The following CCER1 variants were observed in gnomAD, a reference collection of about 807,000 sequenced individuals.
CCER1 encodes coiled-coil glutamate rich protein 1.
For missense variants in CCER1, 573 were observed against 524.5 expected (o/e 1.09, Z -0.90); for synonymous variants, 246 against 213.8 (o/e 1.15, Z -1.31).
chr12:90,954,203 C>G lies in CCER1; in HGVS notation c.540G>C (p.Glu180Asp). The G allele has an allele frequency of 6.2e-7, 1 of 1,608,938 alleles. No individual in the cohort carries two copies. Among genetic ancestry groups the G allele is most frequent in the South Asian group, 1.1e-5 (1 of 91,092 alleles). ...TGTTGGGCGGCGCTCGCATGCCAGG[C>G]TCTCTCCACTCATACAGCTTGACCG... ...PRPVKLYEWR[E>D]PGMRAPPNTT... The change falls in exon 1 of 1, where the codon GAG becomes GAC. Residue 180 changes from glutamate (E) to aspartate (D), a missense_variant. Coordinates refer to ENST00000358859, the MANE Select transcript of CCER1 (RefSeq NM_152638.4).
rs1369508516 is a variant in CCER1, at chr12:90,954,596, A to G, written c.147T>C (p.Asn49=). ...TCTTGGGGCTATATCGGTGCGGTCTATTGTACGCTGGAGCACCCGGGCGCC... is the reference window on the plus strand; with the variant it reads ...TCTTGGGGCTATATCGGTGCGGTCTGTTGTACGCTGGAGCACCCGGGCGCC... The part of the protein sequence containing the change: ...HRRRPGAPAY[N]RPHRYSPKTE... The change falls in exon 1 of 1, where the codon AAT becomes AAC. Residue 49 remains asparagine, a synonymous_variant. Transcript: ENST00000358859. 3 of 1,613,686 alleles carry G rather than the reference A, an allele frequency of 1.9e-6. No homozygotes were observed. Among genetic ancestry groups the G allele is most frequent in the East Asian group, 2.2e-5 (1 of 44,844 alleles).
rs1876614384 is a variant in CCER1, at chr12:90,955,000, G to A, written c.-258C>T. On this transcript the variant is annotated 5_prime_UTR_variant, in exon 1 of 1. Coordinates refer to ENST00000358859, the MANE Select transcript of CCER1 (RefSeq NM_152638.4). ...GCTGGGTGGGACTGGGGCTGGGTAAGGATGGTGGGGGAGGAAGGTGTTGGC... is the reference window on the plus strand; with the variant it reads ...GCTGGGTGGGACTGGGGCTGGGTAAAGATGGTGGGGGAGGAAGGTGTTGGC... 1 of 620,748 alleles carries A rather than the reference G, an allele frequency of 1.6e-6. No individual in the cohort carries two copies. The allele number at this position is 620,748 out of a possible 1,614,324, so 38.5% of individuals were successfully genotyped here.
In CCER1 at chr12:90,954,040, C is replaced by T. The variant is rs371609462; in HGVS notation, c.703G>A (p.Ala235Thr). ...GTTTCCTTGCTGCCGCCAGGGGGCG[C>T]GTCGTTTCCGGAGGATCTGGCTGGG... ...ASPARSSGND[A>T]PPGGSKETWG... The change falls in exon 1 of 1, where the codon GCG becomes ACG. Residue 235 changes from alanine (A) to threonine (T), a missense_variant. Physicochemically the swap from Ala to Thr is moderately conservative, Grantham distance 58. Transcript: ENST00000358859. 2.5e-6 allele frequency: 4 copies of T among 1,614,036 alleles called. No homozygotes were observed. Among genetic ancestry groups the T allele is most frequent in the Non-Finnish European group, 3.4e-6 (4 of 1,180,044 alleles).
Position 90,953,496 on chromosome 12 carries a change from C to A in CCER1, c.*26G>T. Reference sequence around the variant, plus strand: ...AGTTTAGCCTCAAATCAGTTCCATCCCTTTTCTCAATCCCTTTTCTGATGT... The same window carrying A: ...AGTTTAGCCTCAAATCAGTTCCATCACTTTTCTCAATCCCTTTTCTGATGT... On this transcript the variant is annotated 3_prime_UTR_variant, in exon 1 of 1. Coordinates refer to ENST00000358859, the MANE Select transcript of CCER1 (RefSeq NM_152638.4). 6.3e-7 allele frequency: 1 copy of A among 1,580,168 alleles called. No individual in the cohort carries two copies. Among genetic ancestry groups the A allele is most frequent in the Non-Finnish European group, 8.6e-7 (1 of 1,166,112 alleles).
Position 90,954,252 on chromosome 12 carries a change from G to A in CCER1, c.491C>T (p.Ala164Val), listed in dbSNP as rs377744456. 47 of 1,604,462 alleles carry A rather than the reference G, an allele frequency of 2.9e-5. 1 individual carries two copies. The highest frequency in any genetic ancestry group is 3.6e-5 in the Non-Finnish European group (43 of 1,179,232). ...CGGCCGCGGCAGCGTGCTCACATCC[G>A]CTGGCGGGCTCCGCGGGTAGGAGTG... is the stretch of plus-strand genomic sequence containing the variant. Reference protein sequence around the residue: ...PRHSYPRSPPADVSTLPRPVK... With the variant: ...PRHSYPRSPPVDVSTLPRPVK... The change falls in exon 1 of 1, where the codon GCG becomes GTG. Residue 164 changes from alanine (A) to valine (V), a missense_variant. By Grantham distance (64) the Ala-to-Val change is moderately conservative (BLOSUM62 0). Transcript: ENST00000358859.
At position 90,953,642 on chromosome 12, in the gene CCER1, G is replaced by C; in HGVS notation, c.1101C>G (p.Ile367Met). 6.2e-7 allele frequency: 1 copy of C among 1,614,126 alleles called. No individual in the cohort carries two copies. The highest frequency in any genetic ancestry group is 8.5e-7 in the Non-Finnish European group (1 of 1,180,026). The stretch of plus-strand genomic sequence containing the variant: ...CTCTCTTTTCTTCAGCCTCTACGAA[G>C]ATTGATAAAGGCATTTCCAGAGGCA... Reference protein sequence around the residue: ...FHLPLEMPLSIFVEAEEKREN... With the variant: ...FHLPLEMPLSMFVEAEEKREN... The change falls in exon 1 of 1, where the codon ATC (isoleucine) becomes ATG (methionine). Residue 367 changes from isoleucine (I) to methionine (M), a missense_variant. Ile to Met is a conservative substitution (Grantham distance 10, BLOSUM62 1). Coordinates refer to ENST00000358859, the MANE Select transcript of CCER1 (RefSeq NM_152638.4).
Position 90,954,433 on chromosome 12 carries a change from A to T in CCER1, c.310T>A (p.Cys104Ser). 2 of 1,611,520 alleles carry T rather than the reference A, an allele frequency of 1.2e-6. No homozygotes were observed. The highest frequency in any genetic ancestry group is 8.5e-7 in the Non-Finnish European group (1 of 1,178,786). Residue 104 changes from cysteine to serine, a missense_variant, in exon 1 of 1, where the codon TGC (cysteine) becomes AGC (serine). Transcript: ENST00000358859. ...TACACCCGAAACACTTGCACCGGGC[A>T]GGGGAATTTCCAGAATCCTGGAGGG... ...PPPPGFWKFP[C>S]PVQVFRVYGL... is the part of the protein sequence containing the mutation.
At position 90,954,200 on chromosome 12, in the gene CCER1, A is replaced by C; in HGVS notation, c.543T>G (p.Pro181=). The C allele has an allele frequency of 6.2e-7, 1 of 1,609,104 alleles. No homozygotes were observed. The highest frequency in any genetic ancestry group is 8.5e-7 in the Non-Finnish European group (1 of 1,179,924). ...TGGTGTTGGGCGGCGCTCGCATGCC[A>C]GGCTCTCTCCACTCATACAGCTTGA... ...RPVKLYEWRE[P]GMRAPPNTTQ... The change falls in exon 1 of 1, where the codon CCT becomes CCG. Residue 181 remains proline (P), a synonymous_variant. Transcript: ENST00000358859.
In CCER1 at chr12:90,954,553, T is replaced by C. The variant is rs1277691695; in HGVS notation, c.190A>G (p.Arg64Gly). ...YSPKTEYGPP[R>G]KQPKQQHGPG... is the part of the protein sequence containing the mutation. The stretch of plus-strand genomic sequence containing the variant: ...CCGTGCTGTTGCTTCGGCTGCTTCC[T>C]TGGGGGCCCATACTCGGTCTTGGGG... Residue 64 changes from arginine (R) to glycine (G), a missense_variant, in exon 1 of 1, where the codon AGG (arginine) becomes GGG (glycine). Physicochemically the swap from Arg to Gly is moderately radical, Grantham distance 125. Transcript: ENST00000358859. 6.2e-7 allele frequency: 1 copy of C among 1,613,802 alleles called. No individual in the cohort carries two copies.
chr12:90,954,502 C>G lies in CCER1; in HGVS notation c.241G>C (p.Val81Leu). 1 of 1,611,082 alleles carries G rather than the reference C, an allele frequency of 6.2e-7. No individual in the cohort carries two copies. The highest frequency in any genetic ancestry group is 8.5e-7 in the Non-Finnish European group (1 of 1,177,774). ...CCCCAGCACCCCCAGTTAGAGCACA[C>G]GGGTGGTTGGAACCAAAAGCCCGGG... ...HGPGFWFQPP[V>L]CSNWGCWGGP... The change falls in exon 1 of 1, where the codon GTG becomes CTG. Residue 81 changes from valine (V) to leucine (L), a missense_variant. Val to Leu is a conservative substitution (Grantham distance 32). Transcript: ENST00000358859.
Position 90,953,443 on chromosome 12 carries a change from T to TAAA in CCER1, c.*78_*79insTTT. 1 of 1,477,374 alleles carries TAAA rather than the reference T, an allele frequency of 6.8e-7. No individual in the cohort carries two copies. The highest frequency in any genetic ancestry group is 1.4e-5 in the South Asian group (1 of 71,014). The allele number at this position is 1,477,374 out of a possible 1,614,324, so 91.5% of individuals were successfully genotyped here. ...CTGTTTATTAATGGAACTCACTTTTTAATCAGTTTTTAATAAATTGCTAAT... is the reference window on the plus strand; with the variant it reads ...CTGTTTATTAATGGAACTCACTTTTTAAAAATCAGTTTTTAATAAATTGCTAAT... On this transcript the variant is annotated 3_prime_UTR_variant, in exon 1 of 1. Coordinates refer to ENST00000358859, the MANE Select transcript of CCER1 (RefSeq NM_152638.4).
At position 90,954,482 on chromosome 12, in the gene CCER1, G is replaced by A. The variant is rs925976939; in HGVS notation, c.261C>T (p.Cys87=). ...GGGGTGGGCGCCAGGGCCCTCCCCA[G>A]CACCCCCAGTTAGAGCACACGGGTG... ...FQPPVCSNWG[C]WGGPWRPPPP... is the part of the protein sequence containing the mutation. The change falls in exon 1 of 1, where the codon TGC becomes TGT. Residue 87 remains cysteine, a synonymous_variant. Coordinates refer to ENST00000358859, the MANE Select transcript of CCER1 (RefSeq NM_152638.4). The A allele has an allele frequency of 3.1e-6, 5 of 1,610,004 alleles. No individual in the cohort carries two copies. The highest frequency in any genetic ancestry group is 1.7e-5 in the Admixed American group (1 of 59,808).
In CCER1 at chr12:90,954,909, C is replaced by T. The variant is rs1036658896; in HGVS notation, c.-167G>A. ...TTCCTCTCCAGGAGGCTGCTCTCTTCCTGGTTTGCACGCTCTTCGGTAGTA... is the reference window on the plus strand; with the variant it reads ...TTCCTCTCCAGGAGGCTGCTCTCTTTCTGGTTTGCACGCTCTTCGGTAGTA... On this transcript the variant is annotated 5_prime_UTR_variant, in exon 1 of 1. Coordinates refer to ENST00000358859, the MANE Select transcript of CCER1 (RefSeq NM_152638.4). 7.4e-7 allele frequency: 1 copy of T among 1,352,506 alleles called. No individual in the cohort carries two copies. The highest frequency in any genetic ancestry group is 9.9e-7 in the Non-Finnish European group (1 of 1,011,774). 83.8% of individuals were successfully genotyped at this position (1,352,506 alleles called of 1,614,324 possible).
rs1458758315 is a variant in CCER1 at position 90,954,414 on chromosome 12, C to G, written c.329G>C (p.Arg110Pro). The G allele has an allele frequency of 6.2e-7, 1 of 1,612,088 alleles. No homozygotes were observed. The highest frequency in any genetic ancestry group is 8.5e-7 in the Non-Finnish European group (1 of 1,179,588). The change falls in exon 1 of 1, where the codon CGG becomes CCG. Residue 110 changes from arginine to proline, a missense_variant. Physicochemically the swap from Arg to Pro is moderately radical, Grantham distance 103 (BLOSUM62 -2). Coordinates refer to ENST00000358859, the MANE Select transcript of CCER1 (RefSeq NM_152638.4). ...WKFPCPVQVF[R>P]VYGLHPLCFC... ...GCAGAGAGGGTGCAGGCCATACACC[C>G]GAAACACTTGCACCGGGCAGGGGAA...
chr12:90,953,636 T>C lies in CCER1; in HGVS notation c.1107A>G (p.Val369=). ...AGTTCTCTCTCTTTTCTTCAGCCTCTACGAAGATTGATAAAGGCATTTCCA... is the reference window on the plus strand; with the variant it reads ...AGTTCTCTCTCTTTTCTTCAGCCTCCACGAAGATTGATAAAGGCATTTCCA... The part of the protein sequence containing the change: ...LPLEMPLSIF[V]EAEEKRENFI... Residue 369 remains valine, a synonymous_variant, in exon 1 of 1, where the codon GTA becomes GTG. Coordinates refer to ENST00000358859, the MANE Select transcript of CCER1 (RefSeq NM_152638.4). 1.2e-6 allele frequency: 2 copies of C among 1,614,184 alleles called. No homozygotes were observed. The highest frequency in any genetic ancestry group is 8.5e-7 in the Non-Finnish European group (1 of 1,180,032).
In CCER1 at chr12:90,954,919, A is replaced by T; in HGVS notation, c.-177T>A. ...GGAGGCTGCTCTCTTCCTGGTTTGCACGCTCTTCGGTAGTAATCGCTTGTC... is the reference window on the plus strand; with the variant it reads ...GGAGGCTGCTCTCTTCCTGGTTTGCTCGCTCTTCGGTAGTAATCGCTTGTC... On this transcript the variant is annotated 5_prime_UTR_variant, in exon 1 of 1. Coordinates refer to ENST00000358859, the MANE Select transcript of CCER1 (RefSeq NM_152638.4). The T allele has an allele frequency of 7.9e-7, 1 of 1,270,734 alleles. No individual in the cohort carries two copies. Among genetic ancestry groups the T allele is most frequent in the Non-Finnish European group, 1.1e-6 (1 of 937,574 alleles). 78.7% of individuals were successfully genotyped at this position (1,270,734 alleles called of 1,614,324 possible).
Position 90,954,662 on chromosome 12 carries a change from T to C in CCER1, c.81A>G (p.Ala27=), listed in dbSNP as rs986088543. 1 of 1,596,536 alleles carries C rather than the reference T, an allele frequency of 6.3e-7. No individual in the cohort carries two copies. Among genetic ancestry groups the C allele is most frequent in the Non-Finnish European group, 8.5e-7 (1 of 1,173,148 alleles). The stretch of plus-strand genomic sequence containing the variant: ...ACCAGGAGCTCAAGGAGGCCGAGTG[T>C]GCCCAGCCACAGCCACAGCCGCCGC... ...GGGGGCGCGW[A]HSASLSSWSS... is the part of the protein sequence containing the mutation. Residue 27 remains alanine (A), a synonymous_variant, in exon 1 of 1, where the codon GCA becomes GCG. Coordinates refer to ENST00000358859, the MANE Select transcript of CCER1 (RefSeq NM_152638.4).
chr12:90,954,005 C>T lies in CCER1; in HGVS notation c.738G>A (p.Leu246=). The T allele has an allele frequency of 3.1e-6, 5 of 1,614,232 alleles. No individual in the cohort carries two copies. Among genetic ancestry groups the T allele is most frequent in the South Asian group, 1.1e-5 (1 of 91,090 alleles). The change falls in exon 1 of 1, where the codon CTG becomes CTA. Residue 246 remains leucine (L), a synonymous_variant. Coordinates refer to ENST00000358859, the MANE Select transcript of CCER1 (RefSeq NM_152638.4). The stretch of plus-strand genomic sequence containing the variant: ...GCACAAAGCCATACAGAGTTTCCTG[C>T]AGTCCCCAGGTTTCCTTGCTGCCGC... ...PPGGSKETWG[L]QETLYGFVQN...
Position 90,954,461 on chromosome 12 carries a change from T to G in CCER1, c.282A>C (p.Pro94=), listed in dbSNP as rs778555550. 1 of 1,608,860 alleles carries G rather than the reference T, an allele frequency of 6.2e-7. No individual in the cohort carries two copies. The highest frequency in any genetic ancestry group is 8.5e-7 in the Non-Finnish European group (1 of 1,176,784). Residue 94 remains proline, a synonymous_variant, in exon 1 of 1, where the codon CCA becomes CCC. Transcript: ENST00000358859. The part of the protein sequence containing the change: ...NWGCWGGPWR[P]PPPGFWKFPC... ...GGAATTTCCAGAATCCTGGAGGGGG[T>G]GGGCGCCAGGGCCCTCCCCAGCACC...
Sources: allele counts gnomAD v4.1 joint callset, GRCh38; gene constraint gnomAD v4.1.1; transcripts MANE v1.5; gene names NCBI Gene and HGNC (gene_info 2026-07-23, HGNC 2026-07-21).